The following CLEC16A variants were observed in gnomAD, a reference collection of about 807,000 sequenced individuals.
CLEC16A encodes C-type lectin domain containing 16A.
In CLEC16A, 51 loss-of-function variants were observed where a neutral mutation model predicts 109.5. The observed-to-expected ratio is 0.47, with a 90% CI of 0.37 to 0.59. The LOEUF is 0.59. Among genes scored for constraint, CLEC16A ranks in the 20% least tolerant of loss-of-function variants. The pLI, the probability that CLEC16A is intolerant of heterozygous loss-of-function variation, is 0.00. For synonymous variants in CLEC16A, 673 were observed against 564.2 expected (o/e 1.19, Z -2.73); for missense variants, 1,339 against 1,394.0 (o/e 0.96, Z 0.63).
At chr16:11,024,741 C>T (rs1555461194) in intron 12 of CLEC16A, 80 bp from the exon 13 acceptor site, 2 of 1,086,662 alleles carry the variant, frequency 1.8e-6, no homozygotes, top group Non-Finnish European at 1.4e-6. Flanking sequence ...AGGCAGCTAG[C>T]ACCCCATGTG....
At chr16:11,107,391 AAAG>A (rs2051288255) in intron 19 of CLEC16A, among the ~76,000 whole-genome samples, 1 of 152,224 alleles carries the variant, frequency 6.6e-6, no homozygotes, top group South Asian at 2.1e-4. Flanking sequence ...AGGGAGCCAC[AAAG>A]AAGAAAAAGT....
intron 1 of CLEC16A, among the ~76,000 whole-genome samples, chr16:10,945,104 A>G (rs1316043291): frequency 6.6e-6 from 1 of 152,180 alleles, no homozygotes; most frequent in Non-Finnish European, 1.5e-5. Context: ...GTGTCCACCA[A>G]GTTTCCTGGC....
At position 11,016,180 on chromosome 16, in the gene CLEC16A, T is replaced by A. The variant is rs1022787834; in HGVS notation, c.1304-4013T>A. ...GTTAAAAGACCTACTGCCTAGGGAA[T>A]CATCTTGCATGCCCACTGAGGTCCA... On this transcript the variant is annotated intron_variant, in intron 11 of 23. Transcript: ENST00000409790. Among the ~76,000 whole-genome samples the A allele has an allele frequency of 3.4e-5, 5 of 147,088 alleles. No homozygotes were observed. In the East Asian group the frequency reaches 1.0e-3, roughly 30 times the overall value.
chr16:11,090,677 C>T (rs1354104586), intron 19 of CLEC16A, among the ~76,000 whole-genome samples: 2 of 152,084 alleles, frequency 1.3e-5, no homozygotes, highest in Non-Finnish European at 2.9e-5. Context: ...GAGAGTCTCG[C>T]TCTGTTGTTC....
chr16:11,066,073 A>T (rs1308339929), intron 19 of CLEC16A, among the ~76,000 whole-genome samples: 1 of 152,106 alleles, frequency 6.6e-6, no homozygotes, highest in Non-Finnish European at 1.5e-5. Flanking sequence ...CTGTGCCTGG[A>T]TGGAAGTCCC....
intron 18 of CLEC16A, among the ~76,000 whole-genome samples, chr16:11,057,796 G>A (rs2048284741): frequency 6.6e-6 from 1 of 152,178 alleles, no homozygotes; most frequent in Admixed American, 6.5e-5. Flanking sequence ...GTCAAGGAGT[G>A]TGGTTGGAAG....
chr16:11,075,408 GTGTCTGTGTGTGTGTGTGTA>G (rs1240645557), intron 19 of CLEC16A, among the ~76,000 whole-genome samples: 31 of 131,798 alleles, frequency 2.4e-4, no homozygotes, highest in African/African-American at 9.5e-4. Context: ...GTGTGTGTGT[GTGTCTGTGTGTGTGTGTGTA>G]TGTGTGTGTG....
intron 19 of CLEC16A, chr16:11,066,665 C>T (rs1421638478): frequency 6.6e-6 from 1 of 152,244 alleles, no homozygotes; most frequent in Non-Finnish European, 1.5e-5. Flanking sequence ...CATTTTTACT[C>T]TTGCCTGGCA....
chr16:11,151,818 C>A (rs935288389), intron 22 of CLEC16A, among the ~76,000 whole-genome samples: 7 of 152,130 alleles, frequency 4.6e-5, no homozygotes, highest in Admixed American at 1.3e-4. Flanking sequence ...CAGCCACTTT[C>A]GGGGGGCGGG....
At position 11,020,322 on chromosome 16, in the gene CLEC16A, G is replaced by A. The variant is rs760006232; in HGVS notation, c.1433G>A (p.Ser478Asn). The change falls in exon 12 of 24, where the codon AGC becomes AAC. Residue 478 changes from serine to asparagine, a missense_variant. Coordinates refer to ENST00000409790, the MANE Select transcript of CLEC16A (RefSeq NM_015226.3). ...AATCSESTQW[S>N]RPFLDMVYHA... Reference sequence around the variant, plus strand: ...ACCTGCTCTGAGAGCACGCAATGGAGCAGGTAGCTGCCCGAGAGGTCGATG... The same window carrying A: ...ACCTGCTCTGAGAGCACGCAATGGAACAGGTAGCTGCCCGAGAGGTCGATG... 5.6e-6 allele frequency: 9 copies of A among 1,608,116 alleles called. No homozygotes were observed. The highest frequency in any genetic ancestry group is 2.7e-5 in the African/African-American group (2 of 74,732).
chr16:11,040,140 T>A (rs1021902220), intron 14 of CLEC16A: 1 of 433,086 alleles, frequency 2.3e-6, no homozygotes, highest in African/African-American at 2.0e-5. Flanking sequence ...GCCCTTCTTT[T>A]GCTGAGATTG....
At chr16:11,164,203 C>A (rs1053897501) in intron 22 of CLEC16A, among the ~76,000 whole-genome samples, 1 of 152,340 alleles carries the variant, frequency 6.6e-6, no homozygotes, top group South Asian at 2.1e-4. Flanking sequence ...ATACCCTCCA[C>A]GCAAGAGGAG....
chr16:11,098,310 C>G (rs2050721452), intron 19 of CLEC16A, among the ~76,000 whole-genome samples: 1 of 152,238 alleles, frequency 6.6e-6, no homozygotes, highest in Non-Finnish European at 1.5e-5. Context: ...AGCCTGTGTA[C>G]TGAGAATGCG....
intron 1 of CLEC16A, among the ~76,000 whole-genome samples, chr16:10,957,237 G>A (rs1041504958): frequency 6.6e-6 from 1 of 152,210 alleles, no homozygotes; most frequent in Non-Finnish European, 1.5e-5. Flanking sequence ...GCATTCCAAG[G>A]GGAATTGCAT....
intron 5 of CLEC16A, chr16:10,971,593 T>C: frequency 1.1e-6 from 1 of 901,818 alleles, no homozygotes; most frequent in Non-Finnish European, 1.3e-6. Context: ...TTAATACAGC[T>C]AAGGGGTAAT....
At chr16:10,967,246 C>T (rs548133297) in intron 3 of CLEC16A, among the ~76,000 whole-genome samples, 5 of 152,294 alleles carry the variant, frequency 3.3e-5, no homozygotes, top group African/African-American at 9.6e-5. Context: ...CCAGATTCCT[C>T]TTTGTGGTGT....
chr16:10,989,871 G>T (rs1194452970), intron 10 of CLEC16A, among the ~76,000 whole-genome samples: 1 of 152,206 alleles, frequency 6.6e-6, no homozygotes, highest in Non-Finnish European at 1.5e-5. Context: ...GGTCGCTGCT[G>T]CAGGGCTTTC....
chr16:11,117,391 T>C (rs905252605), intron 19 of CLEC16A, among the ~76,000 whole-genome samples: 2 of 152,246 alleles, frequency 1.3e-5, no homozygotes, highest in African/African-American at 4.8e-5. Flanking sequence ...TGTTAATGTT[T>C]TGGCACATTT....
At chr16:11,062,165 T>C (rs547509661) in intron 19 of CLEC16A, among the ~76,000 whole-genome samples, 2 of 151,862 alleles carry the variant, frequency 1.3e-5, no homozygotes, top group Non-Finnish European at 2.9e-5. Flanking sequence ...GCCAGTTCCT[T>C]TTGAACCCCA....
Sources: allele counts gnomAD v4.1 joint callset (sites outside exome capture counted in the v4.1 genomes callset), GRCh38; gene constraint gnomAD v4.1.1; transcripts MANE v1.5; gene names NCBI Gene and HGNC (gene_info 2026-07-23, HGNC 2026-07-21).